CNTNAP4: variants seen among roughly 807,000 people sequenced by gnomAD.
The protein encoded by CNTNAP4 is contactin associated protein family member 4, also known as contactin-associated protein-like 4.
CNTNAP4 carries 98 observed loss-of-function variants against 148.4 expected under a neutral mutation model. The ratio of observed to expected loss-of-function variants is 0.66; its 90% CI spans 0.56 to 0.78. The LOEUF (loss-of-function observed/expected upper bound fraction) is 0.78, where lower values mean the gene tolerates loss of function less well. Among genes scored for constraint, CNTNAP4 ranks in the 30% least tolerant of loss-of-function variants. The pLI, the probability that CNTNAP4 is intolerant of heterozygous loss-of-function variation, is 0.00. For synonymous variants in CNTNAP4, 730 were observed against 565.1 expected, an observed-to-expected ratio of 1.29 and a Z score of -4.14; for missense variants, 1,935 against 1,565.6, an observed-to-expected ratio of 1.24 and a Z score of -3.98.
chr16:76,322,087 A>T (rs1478707658), intron 2 of CNTNAP4, among the ~76,000 whole-genome samples: 2 of 152,102 alleles, frequency 1.3e-5, no homozygotes, highest in Admixed American at 1.3e-4. Context: ...CCAGCAATTT[A>T]TTTGCTTCTA....
chr16:76,433,916 CAA>C (rs2079710281), intron 4 of CNTNAP4, among the ~76,000 whole-genome samples: 1 of 151,924 alleles, frequency 6.6e-6, no homozygotes. Flanking sequence ...GGCCTAAAAT[CAA>C]AGAGTATAAA....
intron 1 of CNTNAP4, among the ~76,000 whole-genome samples, chr16:76,303,085 C>T (rs1010259871): frequency 1.3e-5 from 2 of 152,172 alleles, no homozygotes; most frequent in Non-Finnish European, 2.9e-5. Context: ...ACCAGCCAAA[C>T]TTTTTCCTTG....
intron 15 of CNTNAP4, among the ~76,000 whole-genome samples, chr16:76,503,212 T>C (rs566055486): frequency 2.6e-5 from 4 of 152,298 alleles, no homozygotes; most frequent in African/African-American, 9.6e-5. Context: ...AAGGCAAGAA[T>C]GTCTGCTCTC....
At chr16:76,464,839 CAA>C (rs749678636) in intron 9 of CNTNAP4, among the ~76,000 whole-genome samples, 33 of 152,200 alleles carry the variant, frequency 2.2e-4, no homozygotes, top group Non-Finnish European at 3.5e-4. Context: ...GTGCTTTTCA[CAA>C]AGTCGGACTG....
At chr16:76,517,648 C>T (rs7186892) in intron 15 of CNTNAP4, among the ~76,000 whole-genome samples, 96,494 of 152,012 alleles carry the variant, frequency 0.63, 31,383 homozygotes, top group African/African-American at 0.79. Context: ...AATACTGTTC[C>T]TTTATAAACA....
chr16:76,338,209 T>C (rs1186642038), intron 2 of CNTNAP4, among the ~76,000 whole-genome samples: 8 of 152,212 alleles, frequency 5.3e-5, no homozygotes, highest in Admixed American at 4.6e-4. Flanking sequence ...TAAGAAATTA[T>C]AAAAGTATTA....
intron 12 of CNTNAP4, among the ~76,000 whole-genome samples, chr16:76,482,291 T>G (rs905632077): frequency 1.3e-5 from 2 of 152,150 alleles, no homozygotes; most frequent in Non-Finnish European, 2.9e-5. Context: ...TCTCTTTGCA[T>G]AGCTATGAGG....
At chr16:76,304,675 C>T (rs1960299373) in intron 1 of CNTNAP4, among the ~76,000 whole-genome samples, 1 of 152,172 alleles carries the variant, frequency 6.6e-6, no homozygotes, top group South Asian at 2.1e-4. Context: ...GAGGTCTCAT[C>T]ACTAAAGCAA....
At chr16:76,314,374 C>T (rs1323917849) in intron 1 of CNTNAP4, among the ~76,000 whole-genome samples, 2 of 152,034 alleles carry the variant, frequency 1.3e-5, no homozygotes, top group Non-Finnish European at 2.9e-5. Context: ...TTCAGTGACT[C>T]GATAGACAGA....
chr16:76,345,273 C>G (rs1396953315), intron 2 of CNTNAP4, among the ~76,000 whole-genome samples: 1 of 152,138 alleles, frequency 6.6e-6, no homozygotes, highest in Non-Finnish European at 1.5e-5. Context: ...CACTTCTAGG[C>G]AGTGCTCTTC....
chr16:76,307,907 C>T (rs1960668102), intron 1 of CNTNAP4, among the ~76,000 whole-genome samples: 1 of 152,078 alleles, frequency 6.6e-6, no homozygotes, highest in Non-Finnish European at 1.5e-5. Context: ...GCATGTAAGC[C>T]AGTGTTTGCC....
chr16:76,423,226 T>C (rs1006365034), intron 3 of CNTNAP4, among the ~76,000 whole-genome samples: 4 of 152,132 alleles, frequency 2.6e-5, no homozygotes, highest in Admixed American at 2.0e-4. Flanking sequence ...TCTAAAATAT[T>C]TTTTCTCTCT....
chr16:76,278,927 T>C (rs573625889), intron 1 of CNTNAP4, among the ~76,000 whole-genome samples: 3 of 152,340 alleles, frequency 2.0e-5, no homozygotes, highest in East Asian at 1.9e-4. Context: ...GCTCATTTAA[T>C]GTCACAGGGT....
intron 8 of CNTNAP4, among the ~76,000 whole-genome samples, chr16:76,460,773 A>AAAAAAAATATATATATATATATAT: frequency 1.4e-4 from 8 of 57,232 alleles, no homozygotes; most frequent in Non-Finnish European, 2.0e-4. Flanking sequence ...AAAAAAAAAA[A>AAAAAAAATATATATATATATATAT]ATATATATAT....
intron 6 of CNTNAP4, 114 bp from the exon 7 acceptor site, chr16:76,449,601 G>T: frequency 1.2e-6 from 1 of 828,818 alleles, no homozygotes; most frequent in Non-Finnish European, 1.8e-6. Flanking sequence ...GTGTGTGTAG[G>T]GTTATGAAAA....
intron 12 of CNTNAP4, among the ~76,000 whole-genome samples, chr16:76,482,994 A>G (rs564130982): frequency 2.0e-5 from 3 of 152,154 alleles, no homozygotes; most frequent in African/African-American, 7.2e-5. Context: ...AAGAGAGAAG[A>G]CTTTACAAGT....
chr16:76,558,967 A>G lies in CNTNAP4; in HGVS notation c.*284A>G, dbSNP rs764013619. ...CCTGCTTAATGGCTACAGTTTTTAC[A>G]TGTGAAAACTGTAGCCTTGGTCTCT... On this transcript the variant is annotated 3_prime_UTR_variant, in exon 24 of 24. Coordinates refer to ENST00000611870, the MANE Select transcript of CNTNAP4 (RefSeq NM_033401.5). 2.1e-4 allele frequency: 47 copies of G among 219,198 alleles called. No individual in the cohort carries two copies. Among genetic ancestry groups the G allele is most frequent in the Non-Finnish European group, 3.5e-4 (39 of 112,656 alleles). The allele number at this position is 219,198 out of a possible 1,614,324, so 13.6% of individuals were successfully genotyped here.
chr16:76,423,766 T>A (rs968178734), intron 3 of CNTNAP4, among the ~76,000 whole-genome samples: 1 of 152,144 alleles, frequency 6.6e-6, no homozygotes. Flanking sequence ...GAGCAAAAAT[T>A]GCAAATTTAT....
intron 2 of CNTNAP4, among the ~76,000 whole-genome samples, chr16:76,318,112 A>G (rs1962001804): frequency 6.6e-6 from 1 of 152,146 alleles, no homozygotes; most frequent in Non-Finnish European, 1.5e-5. Context: ...CCCTGTACCT[A>G]TGGACCCACC....
Sources: allele counts gnomAD v4.1 joint callset (sites outside exome capture counted in the v4.1 genomes callset), GRCh38; gene constraint gnomAD v4.1.1; transcripts MANE v1.5; gene names NCBI Gene and HGNC (gene_info 2026-07-23, HGNC 2026-07-21).